OXR1: variants seen among roughly 807,000 people sequenced by gnomAD.
OXR1 encodes the protein oxidation resistance protein 1.
A neutral mutation model predicts 104.6 loss-of-function variants in OXR1; 41 were observed. The ratio of observed to expected loss-of-function variants is 0.39; its 90% CI spans 0.31 to 0.51. The LOEUF (loss-of-function observed/expected upper bound fraction) is 0.51. Among genes scored for constraint, OXR1 ranks in the 20% least tolerant of loss-of-function variants. OXR1 has a pLI of 0.77. For missense variants in OXR1, 955 were observed against 1,031.9 expected (o/e 0.93, Z 1.02); for synonymous variants, 348 against 348.4 (o/e 1.00, Z 0.01).
intron 2 of OXR1, among the ~76,000 whole-genome samples, chr8:106,383,783 C>A (rs1171458617): frequency 6.6e-6 from 1 of 152,076 alleles, no homozygotes; most frequent in Non-Finnish European, 1.5e-5. Flanking sequence ...AGCCATACAT[C>A]GTAAGCCAAG....
chr8:106,547,510 T>TTG, intron 3 of OXR1, among the ~76,000 whole-genome samples: 1 of 145,832 alleles, frequency 6.9e-6, no homozygotes, highest in Admixed American at 6.9e-5. Flanking sequence ...TTTTTTTTTT[T>TTG]TGAGACAGAG....
intron 2 of OXR1, among the ~76,000 whole-genome samples, chr8:106,382,137 C>G (rs193116604): frequency 3.2e-4 from 48 of 152,330 alleles, no homozygotes; most frequent in Admixed American, 5.2e-4. Flanking sequence ...TAAGTCCTGG[C>G]TCTGCAGCTA....
At chr8:106,613,269 G>A (rs1342684648) in intron 3 of OXR1, among the ~76,000 whole-genome samples, 3 of 152,176 alleles carry the variant, frequency 2.0e-5, no homozygotes, top group African/African-American at 4.8e-5. Flanking sequence ...GCTCTCAAAC[G>A]TATAGTTGCT....
intron 2 of OXR1, among the ~76,000 whole-genome samples, chr8:106,432,100 A>G (rs1191870717): frequency 6.6e-6 from 1 of 152,172 alleles, no homozygotes; most frequent in Non-Finnish European, 1.5e-5. Context: ...AAAATATAAT[A>G]TATTTCCAAT....
At chr8:106,736,095 A>G (rs1834340421) in intron 11 of OXR1, among the ~76,000 whole-genome samples, 1 of 152,102 alleles carries the variant, frequency 6.6e-6, no homozygotes, top group Non-Finnish European at 1.5e-5. Context: ...CAGATTTGAT[A>G]TGCACTTTTA....
At chr8:106,505,597 C>T (rs755970211) in intron 2 of OXR1, among the ~76,000 whole-genome samples, 2 of 152,122 alleles carry the variant, frequency 1.3e-5, no homozygotes, top group Non-Finnish European at 2.9e-5. Flanking sequence ...GGATGAGAGA[C>T]AACCTACTTA....
intron 1 of OXR1, among the ~76,000 whole-genome samples, chr8:106,337,136 CA>C (rs1430648568): frequency 6.6e-6 from 1 of 152,130 alleles, no homozygotes; most frequent in Non-Finnish European, 1.5e-5. Flanking sequence ...TCACTGTTTA[CA>C]GATGAGATTT....
intron 3 of OXR1, among the ~76,000 whole-genome samples, chr8:106,632,726 A>T (rs1388647920): frequency 6.6e-6 from 1 of 152,204 alleles, no homozygotes; most frequent in African/African-American, 2.4e-5. Flanking sequence ...ATGATTCAAA[A>T]TATTGCATAT....
intron 2 of OXR1, among the ~76,000 whole-genome samples, chr8:106,433,344 G>C (rs2167798): frequency 0.23 from 34,334 of 152,034 alleles, 5,396 homozygotes; most frequent in African/African-American, 0.42. Flanking sequence ...ATCTCAAGCA[G>C]TGATCTTAGG....
rs925671140 is a variant in OXR1, at chr8:106,718,707, C to T, written c.1956+4722C>T. On this transcript the variant is annotated intron_variant, in intron 11 of 16. Coordinates refer to ENST00000517566, the MANE Select transcript of OXR1 (RefSeq NM_001198533.2). ...ACAAAAAATTAGCCGGGCGTGGTGG[C>T]GGGCGCTTCTTGTTGTAGCTACTCG... 5.3e-5 allele frequency among the ~76,000 whole-genome samples: 8 copies of T among 151,944 alleles called. 1 individual carries two copies. The South Asian group carries it at 8.4e-4, about 16-fold the overall frequency.
At chr8:106,737,438 CTCTT>C (rs1198558227) in intron 11 of OXR1, 78 bp from the exon 12 acceptor site, 13 of 323,682 alleles carry the variant, frequency 4.0e-5, no homozygotes, top group Admixed American at 1.2e-4. Flanking sequence ...TTAATTTCTC[CTCTT>C]TTTTTTTTTT....
chr8:106,748,416 C>T (rs1326261437), intron 16 of OXR1, among the ~76,000 whole-genome samples: 3 of 152,062 alleles, frequency 2.0e-5, no homozygotes, highest in Admixed American at 6.6e-5. Flanking sequence ...TTCATCAGAA[C>T]GTCATCACTG....
At position 106,745,673 on chromosome 8, in the gene OXR1, T is replaced by G. The variant is rs181466106; in HGVS notation, c.2413-116T>G. ...CTTCTGTGCGGAGCTTTTTGTGGTG[T>G]TCTTATTCTTATACTGCCAGTCTTG... On this transcript the variant is annotated intron_variant, in intron 15 of 16. Coordinates refer to ENST00000517566, the MANE Select transcript of OXR1 (RefSeq NM_001198533.2). The G allele has an allele frequency of 8.9e-4, 467 of 524,984 alleles. 2 individuals are homozygous for G. The highest frequency in any genetic ancestry group is 8.1e-3 in the African/African-American group (417 of 51,584). The allele number at this position is 524,984 out of a possible 1,614,324, so 32.5% of individuals were successfully genotyped here.
chr8:106,279,114 G>T (rs1812177986), intron 1 of OXR1, among the ~76,000 whole-genome samples: 1 of 152,126 alleles, frequency 6.6e-6, no homozygotes, highest in African/African-American at 2.4e-5. Flanking sequence ...CACGACTAAA[G>T]TATCATTGAA....
intron 3 of OXR1, among the ~76,000 whole-genome samples, chr8:106,576,466 C>CAAAAAAAAA (rs55917847): frequency 3.6e-5 from 4 of 112,454 alleles, no homozygotes; most frequent in Admixed American, 1.9e-4. Flanking sequence ...CACAGTTATT[C>CAAAAAAAAA]AAAAAAAAAA....
chr8:106,303,248 CTTTTT>C (rs1164596413), intron 1 of OXR1, among the ~76,000 whole-genome samples: 1 of 92,362 alleles, frequency 1.1e-5, no homozygotes, highest in African/African-American at 4.8e-5. Context: ...TTTTTTCTTT[CTTTTT>C]TTTTTTTTTT....
At chr8:106,705,553 T>A (rs1831062967) in intron 8 of OXR1, among the ~76,000 whole-genome samples, 1 of 152,206 alleles carries the variant, frequency 6.6e-6, no homozygotes, top group Non-Finnish European at 1.5e-5. Flanking sequence ...TATGTATAAA[T>A]GTTAATGCTT....
At chr8:106,300,908 G>C (rs74705153) in intron 1 of OXR1, among the ~76,000 whole-genome samples, 1,855 of 152,116 alleles carry the variant, frequency 0.012, 37 homozygotes, top group African/African-American at 0.041. Context: ...GAAATTAGTT[G>C]GACAATGTTC....
chr8:106,467,207 C>T (rs1418029856), intron 2 of OXR1, among the ~76,000 whole-genome samples: 1 of 151,922 alleles, frequency 6.6e-6, no homozygotes, highest in African/African-American at 2.4e-5. Context: ...TTTTCACTTA[C>T]TTCCTTCATT....
Sources: allele counts gnomAD v4.1 joint callset (sites outside exome capture counted in the v4.1 genomes callset), GRCh38; gene constraint gnomAD v4.1.1; transcripts MANE v1.5; gene names NCBI Gene and HGNC (gene_info 2026-07-23, HGNC 2026-07-21).